VAPB: variants seen among roughly 807,000 people sequenced by gnomAD.
VAPB encodes VAMP associated protein B and C, also known as vesicle-associated membrane protein-associated protein B/C.
Under a neutral mutation model 25.6 loss-of-function variants are expected in VAPB, and 7 were observed. The ratio of observed to expected loss-of-function variants is 0.27; its 90% CI spans 0.16 to 0.51. VAPB has a LOEUF of 0.51. Among genes scored for constraint, VAPB ranks in the 20% least tolerant of loss-of-function variants. The pLI, the probability that VAPB is intolerant of heterozygous loss-of-function variation, is 0.97. For missense variants in VAPB, 266 were observed against 301.3 expected (o/e 0.88, Z 0.87); for synonymous variants, 112 against 109.2 (o/e 1.03, Z -0.16).
intron 5 of VAPB, among the ~76,000 whole-genome samples, chr20:58,442,568 T>C (rs2123102629): frequency 6.6e-6 from 1 of 152,288 alleles, no homozygotes; most frequent in Middle Eastern, 3.4e-3. Context: ...AATCTCAACA[T>C]TAGAAGATTC....
chr20:58,428,926 C>T (rs1391966866), intron 2 of VAPB, among the ~76,000 whole-genome samples: 1 of 152,070 alleles, frequency 6.6e-6, no homozygotes, highest in Non-Finnish European at 1.5e-5. Context: ...TCTGGGTGTC[C>T]CAAGTCCTCA....
chr20:58,411,782 C>T (rs1451008869), intron 1 of VAPB, among the ~76,000 whole-genome samples: 1 of 152,066 alleles, frequency 6.6e-6, no homozygotes, highest in African/African-American at 2.4e-5. Flanking sequence ...TGGTTCAGGC[C>T]ATTCCCCTGC....
chr20:58,425,550 C>T (rs1988766358), intron 2 of VAPB, among the ~76,000 whole-genome samples: 1 of 152,204 alleles, frequency 6.6e-6, no homozygotes, highest in Non-Finnish European at 1.5e-5. Context: ...GCAAACATGT[C>T]AGAAGGAGCT....
chr20:58,436,878 G>T (rs6026274), intron 3 of VAPB, among the ~76,000 whole-genome samples: 66,005 of 150,896 alleles, frequency 0.44, 14,597 homozygotes, highest in East Asian at 0.59. Flanking sequence ...GCTGAAAAAA[G>T]TAACTTCAAT....
intron 4 of VAPB, chr20:58,439,229 C>T: frequency 1.7e-6 from 1 of 582,668 alleles, no homozygotes; most frequent in South Asian, 2.0e-5. Flanking sequence ...AACTGATTGA[C>T]AGTGTTTCCC....
chr20:58,423,414 CAAAAAAAAAAAAAAAAAAAAAAAAAA>C (rs59133081), intron 2 of VAPB, among the ~76,000 whole-genome samples: 2 of 34,758 alleles, frequency 5.8e-5, no homozygotes, highest in Non-Finnish European at 9.9e-5. Context: ...CTCCATCTCA[CAAAAAAAAAAAAAAAAAAAAAAAAAA>C]AAAAAAAAAG....
intron 1 of VAPB, among the ~76,000 whole-genome samples, chr20:58,406,564 A>G (rs1988234139): frequency 6.6e-6 from 1 of 152,228 alleles, no homozygotes; most frequent in Admixed American, 6.5e-5. Context: ...CAGTTGGATC[A>G]TCAAGGTGCA....
At chr20:58,418,142 C>T (rs1988587425) in intron 1 of VAPB, 69 bp from the exon 2 acceptor site, 1 of 1,597,676 alleles carries the variant, frequency 6.3e-7, no homozygotes, top group Non-Finnish European at 8.6e-7. Flanking sequence ...ATATTTACAG[C>T]TCTCTTTTCC....
intron 1 of VAPB, among the ~76,000 whole-genome samples, chr20:58,407,448 A>G (rs1333452216): frequency 6.6e-6 from 1 of 152,228 alleles, no homozygotes; most frequent in Non-Finnish European, 1.5e-5. Context: ...TGGATCTCAC[A>G]TAAACTACAG....
intron 1 of VAPB, among the ~76,000 whole-genome samples, chr20:58,406,992 G>T (rs577884948): frequency 6.6e-6 from 1 of 152,194 alleles, no homozygotes; most frequent in African/African-American, 2.4e-5. Flanking sequence ...TAGTCAATGG[G>T]ATAAAGAATG....
chr20:58,430,043 T>TAA (rs370143812), intron 2 of VAPB, among the ~76,000 whole-genome samples: 16 of 142,948 alleles, frequency 1.1e-4, no homozygotes, highest in African/African-American at 2.3e-4. Context: ...CCTCATCTCT[T>TAA]AAAAAAAAAA....
chr20:58,426,800 A>G (rs1294757804), intron 2 of VAPB, among the ~76,000 whole-genome samples: 3 of 152,198 alleles, frequency 2.0e-5, no homozygotes, highest in African/African-American at 4.8e-5. Flanking sequence ...GGAAAAATCT[A>G]GAAGGATCTG....
At chr20:58,441,214 C>A in intron 5 of VAPB, 131 bp downstream of exon 5, 1 of 1,021,474 alleles carries the variant, frequency 9.8e-7, no homozygotes, top group Non-Finnish European at 1.5e-6. Context: ...TTTTTTCTCC[C>A]CAGGGAGAAA....
rs1255384383 is a variant in VAPB at position 58,447,493 on chromosome 20, TC to T, written c.*3260del. Reference sequence around the variant, plus strand: ...GGGAAAAATGAAGAACCTCCAGTGATCCGTGAAAACCTAAACGCTTTCAAAC... The same window carrying T: ...GGGAAAAATGAAGAACCTCCAGTGATCGTGAAAACCTAAACGCTTTCAAAC... On this transcript the variant is annotated 3_prime_UTR_variant, in exon 6 of 6. Coordinates refer to ENST00000475243, the MANE Select transcript of VAPB (RefSeq NM_004738.5). 1 of 453,980 alleles carries T rather than the reference TC, an allele frequency of 2.2e-6. No individual in the cohort carries two copies. The highest frequency in any genetic ancestry group is 4.4e-6 in the Non-Finnish European group (1 of 226,798). The allele number at this position is 453,980 out of a possible 1,614,324, so 28.1% of individuals were successfully genotyped here.
chr20:58,391,796 G>T (rs1446295409), intron 1 of VAPB, among the ~76,000 whole-genome samples: 8 of 152,192 alleles, frequency 5.3e-5, no homozygotes, highest in Admixed American at 6.5e-5. Context: ...GCCTCTCAAA[G>T]TGCTGGGATT....
At chr20:58,431,791 T>G (rs1217826727) in intron 2 of VAPB, among the ~76,000 whole-genome samples, 1 of 152,094 alleles carries the variant, frequency 6.6e-6, no homozygotes, top group Non-Finnish European at 1.5e-5. Flanking sequence ...GGTCTTGAAC[T>G]CAAGTGATCC....
chr20:58,425,920 T>TC (rs1988773993), intron 2 of VAPB, among the ~76,000 whole-genome samples: 1 of 152,138 alleles, frequency 6.6e-6, no homozygotes, highest in Admixed American at 6.5e-5. Context: ...TTTGACAAAG[T>TC]CTCTCTCTGT....
intron 2 of VAPB, among the ~76,000 whole-genome samples, chr20:58,433,202 T>A (rs1005507827): frequency 1.3e-5 from 2 of 152,190 alleles, no homozygotes; most frequent in Admixed American, 1.3e-4. Flanking sequence ...TTGGAGTGAC[T>A]AGTGTGGTGA....
Position 58,416,022 on chromosome 20 carries a change from A to T in VAPB, c.59-2189A>T, listed in dbSNP as rs186453310. The stretch of plus-strand genomic sequence containing the variant: ...ACGGGACTTTGTTATTTTACCAGTG[A>T]TGTTGTTTCATTGCATATATTTTCA... On this transcript the variant is annotated intron_variant, in intron 1 of 5. Coordinates refer to ENST00000475243, the MANE Select transcript of VAPB (RefSeq NM_004738.5). 7.2e-5 allele frequency among the ~76,000 whole-genome samples: 11 copies of T among 152,282 alleles called. No individual in the cohort carries two copies. The East Asian group carries it at 1.9e-3, about 27-fold the overall frequency.
Sources: allele counts gnomAD v4.1 joint callset (sites outside exome capture counted in the v4.1 genomes callset), GRCh38; gene constraint gnomAD v4.1.1; transcripts MANE v1.5; gene names NCBI Gene and HGNC (gene_info 2026-07-23, HGNC 2026-07-21).